Variants in ASIC2 observed in about 807,000 individuals in gnomAD.
The protein encoded by ASIC2 is acid-sensing ion channel 2.
ASIC2 carries 25 observed loss-of-function variants against 57.3 expected under a neutral mutation model. That is an observed-to-expected ratio of 0.44 (90% CI 0.32 to 0.61). The LOEUF (loss-of-function observed/expected upper bound fraction) is 0.61, where lower values mean the gene tolerates loss of function less well. Among genes scored for constraint, ASIC2 ranks in the 20% least tolerant of loss-of-function variants. ASIC2 has a pLI of 0.06. For missense variants in ASIC2, 641 were observed against 738.1 expected, an observed-to-expected ratio of 0.87 and a Z score of 1.52; for synonymous variants, 319 against 307.5, an observed-to-expected ratio of 1.04 and a Z score of -0.39.
At chr17:33,040,947 A>G (rs573704467) in intron 3 of ASIC2, among the ~76,000 whole-genome samples, 2 of 152,268 alleles carry the variant, frequency 1.3e-5, no homozygotes, top group Admixed American at 6.5e-5. Flanking sequence ...CTAATCATAT[A>G]AAGACTTCAT....
At chr17:33,067,998 C>G (rs1336811508) in intron 3 of ASIC2, among the ~76,000 whole-genome samples, 1 of 152,228 alleles carries the variant, frequency 6.6e-6, no homozygotes, top group East Asian at 1.9e-4. Context: ...GGGCTCCGGG[C>G]AAGACCTTGT....
intron 1 of ASIC2, among the ~76,000 whole-genome samples, chr17:33,417,481 T>G (rs1274763438): frequency 6.6e-6 from 1 of 152,194 alleles, no homozygotes; most frequent in Non-Finnish European, 1.5e-5. Flanking sequence ...CATTCATTGC[T>G]CTTCTCCTTA....
intron 1 of ASIC2, among the ~76,000 whole-genome samples, chr17:34,032,223 A>G (rs953760683): frequency 2.0e-5 from 3 of 152,220 alleles, no homozygotes; most frequent in Admixed American, 6.5e-5. Context: ...TTCTTAAAGA[A>G]AAGAATTTTC....
At chr17:33,521,579 C>T (rs1914742705) in intron 1 of ASIC2, among the ~76,000 whole-genome samples, 1 of 152,174 alleles carries the variant, frequency 6.6e-6, no homozygotes, top group South Asian at 2.1e-4. Context: ...CCCGTGAGAG[C>T]CTGCTGAGAG....
chr17:33,307,782 GATA>G (rs1906245637), intron 1 of ASIC2, among the ~76,000 whole-genome samples: 1 of 152,088 alleles, frequency 6.6e-6, no homozygotes, highest in Non-Finnish European at 1.5e-5. Context: ...GAAAAATGGA[GATA>G]ATAATACCTG....
At chr17:33,795,024 C>T (rs1597878954) in intron 1 of ASIC2, among the ~76,000 whole-genome samples, 1 of 152,176 alleles carries the variant, frequency 6.6e-6, no homozygotes, top group African/African-American at 2.4e-5. Context: ...TTCAAGTCTG[C>T]ATTTATTAGG....
At chr17:33,713,940 C>T (rs1909132164) in intron 1 of ASIC2, among the ~76,000 whole-genome samples, 2 of 152,106 alleles carry the variant, frequency 1.3e-5, no homozygotes, top group Non-Finnish European at 2.9e-5. Flanking sequence ...TATTTTCAGT[C>T]CCCTTTCTCT....
intron 1 of ASIC2, among the ~76,000 whole-genome samples, chr17:33,673,746 C>G (rs2142052821): frequency 6.6e-6 from 1 of 152,310 alleles, no homozygotes; most frequent in African/African-American, 2.4e-5. Flanking sequence ...GGATTAAATC[C>G]TATGCATACT....
At chr17:33,912,701 C>T (rs1272459087) in intron 1 of ASIC2, among the ~76,000 whole-genome samples, 3 of 125,746 alleles carry the variant, frequency 2.4e-5, no homozygotes, top group Non-Finnish European at 5.2e-5. Flanking sequence ...AGACTAGGGC[C>T]GGGTGAGGTG....
intron 1 of ASIC2, among the ~76,000 whole-genome samples, chr17:33,852,986 T>C (rs1295058911): frequency 6.6e-6 from 1 of 152,070 alleles, no homozygotes. Context: ...CCTAAAGCCT[T>C]TCCCCCCCGT....
chr17:33,415,578 G>A (rs370927348), intron 1 of ASIC2, among the ~76,000 whole-genome samples: 1 of 151,882 alleles, frequency 6.6e-6, no homozygotes, highest in Non-Finnish European at 1.5e-5. Context: ...CAAATCCCTC[G>A]CTGCCCACTG....
chr17:33,280,653 C>G (rs1373074866), intron 1 of ASIC2, among the ~76,000 whole-genome samples: 1 of 152,304 alleles, frequency 6.6e-6, no homozygotes, highest in Non-Finnish European at 1.5e-5. Context: ...AATCATCTTT[C>G]AAATCCATGT....
In ASIC2 at chr17:33,129,449, AACAG is replaced by A. The variant is rs374815711; in HGVS notation, c.709-17386_709-17383del. 1.8e-3 allele frequency among the ~76,000 whole-genome samples: 280 copies of A among 152,378 alleles called. 2 individuals carry two copies. Among genetic ancestry groups the A allele is most frequent in the African/African-American group, 6.3e-3 (261 of 41,598 alleles). On this transcript the variant is annotated intron_variant, in intron 1 of 9. Transcript: ENST00000225823. Reference sequence around the variant, plus strand: ...TGAAGGAATATCATTTGGAAAAAAGAACAGACATATTCTTTCTTGTACTGCCATG... The same window carrying A: ...TGAAGGAATATCATTTGGAAAAAAGAACATATTCTTTCTTGTACTGCCATG...
intron 1 of ASIC2, among the ~76,000 whole-genome samples, chr17:33,519,299 G>T (rs1302431379): frequency 6.6e-6 from 1 of 152,194 alleles, no homozygotes; most frequent in African/African-American, 2.4e-5. Context: ...GGCTCTGGTG[G>T]AAGTGAGGGA....
chr17:34,018,181 C>T (rs561312496), intron 1 of ASIC2, among the ~76,000 whole-genome samples: 2 of 151,872 alleles, frequency 1.3e-5, no homozygotes, highest in African/African-American at 2.4e-5. Flanking sequence ...TCTGAAAATC[C>T]TAGGGCCCTT....
chr17:33,489,010 G>C (rs1388790658), intron 1 of ASIC2, among the ~76,000 whole-genome samples: 4 of 152,072 alleles, frequency 2.6e-5, no homozygotes, highest in Non-Finnish European at 5.9e-5. Context: ...CTAGGCCACT[G>C]TGTCTTCAAT....
At chr17:33,214,153 A>C (rs1907384463) in intron 1 of ASIC2, among the ~76,000 whole-genome samples, 1 of 152,198 alleles carries the variant, frequency 6.6e-6, no homozygotes, top group South Asian at 2.1e-4. Context: ...CAAGCTCAGA[A>C]ACATCCCTGG....
At chr17:34,005,145 G>A (rs1567784799) in intron 1 of ASIC2, 2 of 152,046 alleles carry the variant, frequency 1.3e-5, no homozygotes, top group South Asian at 4.1e-4. Flanking sequence ...CTTCATAAAA[G>A]TTTCCAACAT....
chr17:33,998,292 G>T (rs1409056502), intron 1 of ASIC2, among the ~76,000 whole-genome samples: 1 of 151,754 alleles, frequency 6.6e-6, no homozygotes, highest in Non-Finnish European at 1.5e-5. Context: ...CCAGCTAAAG[G>T]TTTGCCAATT....
Sources: allele counts gnomAD v4.1 joint callset (sites outside exome capture counted in the v4.1 genomes callset), GRCh38; gene constraint gnomAD v4.1.1; transcripts MANE v1.5; gene names NCBI Gene and HGNC (gene_info 2026-07-23, HGNC 2026-07-21).